Variants in R3HDM2 observed in about 807,000 individuals in gnomAD.
R3HDM2 encodes the protein R3H domain containing 2.
R3HDM2 carries 38 observed loss-of-function variants against 124.5 expected under a neutral mutation model. The observed-to-expected ratio is 0.31, with a 90% CI of 0.24 to 0.40. The LOEUF is 0.40. R3HDM2 is among the 10% of genes least tolerant of loss of function. The pLI, the probability that R3HDM2 is intolerant of heterozygous loss-of-function variation, is 1.00. For synonymous variants in R3HDM2, 391 were observed against 448.0 expected (o/e 0.87, Z 1.61); for missense variants, 869 against 1,236.9 (o/e 0.70, Z 4.46).
At chr12:57,406,891 T>C (rs1210640224) in intron 1 of R3HDM2, among the ~76,000 whole-genome samples, 5 of 152,200 alleles carry the variant, frequency 3.3e-5, no homozygotes, top group African/African-American at 7.2e-5. Context: ...GAAATTCTAC[T>C]GGACAGATGA....
At chr12:57,392,804 C>T (rs1403136509) in intron 2 of R3HDM2, among the ~76,000 whole-genome samples, 2 of 127,526 alleles carry the variant, frequency 1.6e-5, no homozygotes, top group African/African-American at 2.8e-5. Flanking sequence ...CTATAGTACA[C>T]TTTTTTTTTT....
intron 2 of R3HDM2, among the ~76,000 whole-genome samples, chr12:57,355,076 A>G (rs2061110848): frequency 6.6e-6 from 1 of 151,920 alleles, no homozygotes; most frequent in African/African-American, 2.4e-5. Flanking sequence ...ATAAGACACC[A>G]CACCCGGATC....
rs1213590913 is a variant in R3HDM2 at position 57,373,604 on chromosome 12, G to A, written c.-36+22145C>T. The stretch of plus-strand genomic sequence containing the variant: ...GTGGGCAGATCACCTGAGGTCGGGA[G>A]TTTGAGACCAGCCTGAACAACATGG... On this transcript the variant is annotated intron_variant, in intron 2 of 23. Transcript: ENST00000402412. Among the ~76,000 whole-genome samples, 3 of 147,548 alleles carry A rather than the reference G, an allele frequency of 2.0e-5. No individual in the cohort carries two copies. The Admixed American group carries it at 2.0e-4, about 10-fold the overall frequency.
At chr12:57,292,777 T>G in intron 10 of R3HDM2, 110 bp from the exon 11 acceptor site, 1 of 700,700 alleles carries the variant, frequency 1.4e-6, no homozygotes. Flanking sequence ...ATCAAAAAAA[T>G]GGAAAAAAAA....
intron 2 of R3HDM2, among the ~76,000 whole-genome samples, chr12:57,378,941 C>T (rs1228761743): frequency 1.3e-5 from 2 of 152,216 alleles, no homozygotes; most frequent in South Asian, 2.1e-4. Flanking sequence ...ATAACCTTGA[C>T]GACACGCTAA....
chr12:57,392,276 A>C (rs547962086), intron 2 of R3HDM2, among the ~76,000 whole-genome samples: 1 of 152,344 alleles, frequency 6.6e-6, no homozygotes, highest in African/African-American at 2.4e-5. Context: ...TTTGGCACCA[A>C]GGACCAGTTT....
chr12:57,255,572 T>C (rs2038713936), intron 23 of R3HDM2, among the ~76,000 whole-genome samples: 1 of 152,202 alleles, frequency 6.6e-6, no homozygotes, highest in African/African-American at 2.4e-5. Flanking sequence ...CCTTTCCTTG[T>C]TTAGGAAATT....
intron 2 of R3HDM2, among the ~76,000 whole-genome samples, chr12:57,374,499 T>C (rs566968517): frequency 7.4e-5 from 11 of 148,916 alleles, no homozygotes; most frequent in Admixed American, 2.0e-4. Context: ...CTGGCCAACA[T>C]GGTAAAACCC....
intron 2 of R3HDM2, among the ~76,000 whole-genome samples, chr12:57,356,707 GT>G (rs1246461832): frequency 6.6e-6 from 1 of 152,194 alleles, no homozygotes; most frequent in East Asian, 1.9e-4. Flanking sequence ...CTGTGGGTGA[GT>G]TTTTAAACTA....
At chr12:57,346,873 G>A (rs2060141350) in intron 2 of R3HDM2, among the ~76,000 whole-genome samples, 1 of 152,132 alleles carries the variant, frequency 6.6e-6, no homozygotes, top group Non-Finnish European at 1.5e-5. Flanking sequence ...AACATAAAGA[G>A]GGATACGAAA....
chr12:57,421,299 G>A (rs1360726578), intron 1 of R3HDM2, among the ~76,000 whole-genome samples: 1 of 147,774 alleles, frequency 6.8e-6, no homozygotes, highest in Non-Finnish European at 1.5e-5. Context: ...TTACAGGCAT[G>A]CACAACCACT....
At chr12:57,359,344 C>T (rs2061627816) in intron 2 of R3HDM2, among the ~76,000 whole-genome samples, 1 of 152,096 alleles carries the variant, frequency 6.6e-6, no homozygotes, top group South Asian at 2.1e-4. Flanking sequence ...TAGGTATGCA[C>T]CACACCTGCT....
At chr12:57,347,073 T>C (rs188767801) in intron 2 of R3HDM2, among the ~76,000 whole-genome samples, 198 of 152,098 alleles carry the variant, frequency 1.3e-3, no homozygotes, top group Middle Eastern at 3.4e-3. Context: ...AGCGAGACCC[T>C]ATCTGTACAA....
intron 2 of R3HDM2, among the ~76,000 whole-genome samples, chr12:57,377,460 C>T (rs1594167585): frequency 6.6e-6 from 1 of 152,094 alleles, no homozygotes; most frequent in African/African-American, 2.4e-5. Context: ...GAAGAGATAA[C>T]TGGGTACTGC....
chr12:57,258,314 A>ATTTT (rs767621523), intron 20 of R3HDM2, among the ~76,000 whole-genome samples, 177 bp from the exon 21 acceptor site: 2 of 116,770 alleles, frequency 1.7e-5, no homozygotes, highest in Non-Finnish European at 3.3e-5. Context: ...ATGCTATTTT[A>ATTTT]TTTATTTATT....
intron 11 of R3HDM2, among the ~76,000 whole-genome samples, 198 bp from the exon 12 acceptor site, chr12:57,289,238 T>C (rs964542936): frequency 6.6e-6 from 1 of 152,014 alleles, no homozygotes; most frequent in Non-Finnish European, 1.5e-5. Flanking sequence ...AGAAAGAACA[T>C]CTGGTGGTTT....
chr12:57,344,723 T>G (rs2059918698), intron 2 of R3HDM2, among the ~76,000 whole-genome samples: 1 of 151,954 alleles, frequency 6.6e-6, no homozygotes, highest in Non-Finnish European at 1.5e-5. Context: ...AGAACAGAAA[T>G]GACAGGGGAA....
At chr12:57,328,425 A>G (rs1240901855) in intron 2 of R3HDM2, among the ~76,000 whole-genome samples, 2 of 152,300 alleles carry the variant, frequency 1.3e-5, no homozygotes, top group African/African-American at 4.8e-5. Flanking sequence ...ACCATTGATC[A>G]GTCAGCAATC....
chr12:57,354,434 A>C (rs1453174580), intron 2 of R3HDM2, among the ~76,000 whole-genome samples: 1 of 151,750 alleles, frequency 6.6e-6, no homozygotes, highest in Non-Finnish European at 1.5e-5. Context: ...CTGGAACCAC[A>C]GATGTGGGCC....
Sources: allele counts gnomAD v4.1 joint callset (sites outside exome capture counted in the v4.1 genomes callset), GRCh38; gene constraint gnomAD v4.1.1; transcripts MANE v1.5; gene names NCBI Gene and HGNC (gene_info 2026-07-23, HGNC 2026-07-21).